CLPTM1: variants seen among roughly 807,000 people sequenced by gnomAD.
The protein encoded by CLPTM1 is putative lipid scramblase CLPTM1.
CLPTM1 carries 21 observed loss-of-function variants against 77.3 expected under a neutral mutation model. That is an observed-to-expected ratio of 0.27 (90% CI 0.19 to 0.39). CLPTM1 has a LOEUF of 0.39. Ranked by LOEUF, CLPTM1 falls within the 10% of genes least tolerant of loss-of-function variation. The pLI is 1.00. For synonymous variants in CLPTM1, 373 were observed against 381.0 expected (o/e 0.98, Z 0.24); for missense variants, 642 against 921.2 (o/e 0.70, Z 3.92).
At chr19:44,980,226 T>A (rs1015376303) in intron 5 of CLPTM1, among the ~76,000 whole-genome samples, 3 of 152,078 alleles carry the variant, frequency 2.0e-5, no homozygotes, top group African/African-American at 7.2e-5. Flanking sequence ...AGCCCCCTTT[T>A]GGCTGGTTGT....
chr19:44,977,487 C>G (rs748262295), intron 5 of CLPTM1, 27 bp downstream of exon 5: 10 of 1,540,024 alleles, frequency 6.5e-6, no homozygotes, highest in Non-Finnish European at 8.9e-6. Context: ...CAGCCAGGAC[C>G]CACTGTCCAG....
chr19:44,980,690 TG>T (rs556048517), intron 5 of CLPTM1, among the ~76,000 whole-genome samples: 398 of 151,898 alleles, frequency 2.6e-3, no homozygotes, highest in African/African-American at 9.3e-3. Flanking sequence ...CGGTGGCTCA[TG>T]CCTGTAGTCC....
chr19:44,964,126 C>T (rs999618877), intron 2 of CLPTM1, among the ~76,000 whole-genome samples: 16 of 151,822 alleles, frequency 1.1e-4, no homozygotes, highest in African/African-American at 3.4e-4. Context: ...CCAGTCTGGG[C>T]ATCAGAGTGA....
rs369031573 is a variant in CLPTM1 at position 44,992,451 on chromosome 19, C to T, written c.1723+51C>T. On this transcript the variant is annotated intron_variant, in intron 13 of 13. Coordinates refer to ENST00000337392, the MANE Select transcript of CLPTM1 (RefSeq NM_001294.4). This position sits in a 1 kb window ranked among gnomAD's most constrained non-coding sequence, Gnocchi z 7.7. The stretch of plus-strand genomic sequence containing the variant: ...CTCCCACCGGAACAGGGCCCTGAGG[C>T]AGTCTTTAGGGCCCAGGCCTGAGGG... 3.7e-6 allele frequency: 6 copies of T among 1,607,762 alleles called. No homozygotes were observed. Among genetic ancestry groups the T allele is most frequent in the Non-Finnish European group, 5.1e-6 (6 of 1,175,114 alleles).
At chr19:44,960,477 C>T (rs149262918) in intron 1 of CLPTM1, among the ~76,000 whole-genome samples, 1,938 of 152,286 alleles carry the variant, frequency 0.013, 39 homozygotes, top group African/African-American at 0.042. Context: ...CAGCCAAGAA[C>T]GGTGGGACCA....
intron 1 of CLPTM1, among the ~76,000 whole-genome samples, chr19:44,958,430 A>G (rs1377634326): frequency 6.7e-6 from 1 of 149,618 alleles, no homozygotes; most frequent in Non-Finnish European, 1.5e-5. Flanking sequence ...TCGCTTTCTC[A>G]CCACAATCTC....
At chr19:44,974,328 C>G in intron 3 of CLPTM1, 111 bp from the exon 4 acceptor site, 4 of 1,054,898 alleles carry the variant, frequency 3.8e-6, no homozygotes, top group Non-Finnish European at 5.5e-6. Context: ...CTCCCCTGTC[C>G]TCCATAATTA....
chr19:44,990,502 G>A lies in CLPTM1; in HGVS notation c.1240G>A (p.Glu414Lys), dbSNP rs757094978. The A allele has an allele frequency of 4.3e-6, 7 of 1,614,126 alleles. No homozygotes were observed. The highest frequency in any genetic ancestry group is 1.7e-5 in the Admixed American group (1 of 60,006). ...GGTCCTCCTCTACATCCTGGACAACGAGACCAACTTCGTGGTCCAGGTCAG... is the reference window on the plus strand; with the variant it reads ...GGTCCTCCTCTACATCCTGGACAACAAGACCAACTTCGTGGTCCAGGTCAG... ...FVVLLYILDN[E>K]TNFVVQVSVF... The change falls in exon 10 of 14, where the codon GAG (glutamate) becomes AAG (lysine). Residue 414 changes from glutamate to lysine, a missense_variant. Glu to Lys is a moderately conservative substitution (Grantham distance 56, BLOSUM62 1). Around this residue, in one of 2 missense-constraint regions of CLPTM1, gnomAD observed 521 missense variants for 800.4 expected, o/e 0.65. Coordinates refer to ENST00000337392, the MANE Select transcript of CLPTM1 (RefSeq NM_001294.4). This position sits in a 1 kb window ranked among gnomAD's most constrained non-coding sequence, Gnocchi z 4.8.
At chr19:44,968,604 G>T (rs1477621177) in intron 2 of CLPTM1, among the ~76,000 whole-genome samples, 1 of 150,876 alleles carries the variant, frequency 6.6e-6, no homozygotes, top group African/African-American at 2.4e-5. Flanking sequence ...CTCTGAGAGG[G>T]TCCACAGAAC....
At chr19:44,974,387 G>A in intron 3 of CLPTM1, 52 bp from the exon 4 acceptor site, 2 of 1,566,220 alleles carry the variant, frequency 1.3e-6, no homozygotes, top group Admixed American at 1.8e-5. Flanking sequence ...TAGCCAGCCT[G>A]CAGAGGCTCT....
chr19:44,987,909 G>A, intron 8 of CLPTM1, 171 bp from the exon 9 acceptor site: 1 of 641,052 alleles, frequency 1.6e-6, no homozygotes. Flanking sequence ...TTCTGTCTTT[G>A]TGAGTCACCC....
At chr19:44,961,710 C>T (rs1970545982) in intron 1 of CLPTM1, among the ~76,000 whole-genome samples, 2 of 152,214 alleles carry the variant, frequency 1.3e-5, no homozygotes, top group Admixed American at 1.3e-4. Flanking sequence ...CCCCACCGGG[C>T]TGTTAAACCC....
intron 2 of CLPTM1, among the ~76,000 whole-genome samples, chr19:44,972,170 C>T (rs1041872943): frequency 6.6e-6 from 1 of 151,816 alleles, no homozygotes; most frequent in Admixed American, 6.6e-5. Flanking sequence ...CTCTATACTT[C>T]TTAAGTTATT....
Position 44,991,191 on chromosome 19 carries a change from G to T in CLPTM1, c.1420-47G>T. Reference sequence around the variant, plus strand: ...GTGAGGGCGGGGAGCAGGGCTGCCAGGCAGGGCTGAGGAGCTGGCTGACAG... The same window carrying T: ...GTGAGGGCGGGGAGCAGGGCTGCCATGCAGGGCTGAGGAGCTGGCTGACAG... On this transcript the variant is annotated intron_variant, in intron 11 of 13. Coordinates refer to ENST00000337392, the MANE Select transcript of CLPTM1 (RefSeq NM_001294.4). The surrounding 1 kb of genome is among the most constrained non-coding windows in gnomAD (Gnocchi z 5.4). 5 of 1,609,796 alleles carry T rather than the reference G, an allele frequency of 3.1e-6. No individual in the cohort carries two copies. The highest frequency in any genetic ancestry group is 2.5e-6 in the Non-Finnish European group (3 of 1,177,338).
rs1336666935 is a variant in CLPTM1, at chr19:44,975,667, G to A, written c.468+1070G>A. The stretch of plus-strand genomic sequence containing the variant: ...GCAACTTCACCTCCCAGGTTCAAGC[G>A]ATTCTCATGTGCCAGCCTCCTGAGT... On this transcript the variant is annotated intron_variant, in intron 4 of 13. Transcript: ENST00000337392. Among the ~76,000 whole-genome samples the A allele has an allele frequency of 2.0e-5, 3 of 152,024 alleles. No homozygotes were observed. The East Asian group carries it at 5.8e-4, about 29-fold the overall frequency.
chr19:44,963,878 A>G (rs572141889), intron 2 of CLPTM1, among the ~76,000 whole-genome samples: 1 of 151,798 alleles, frequency 6.6e-6, no homozygotes, highest in Non-Finnish European at 1.5e-5. Flanking sequence ...TTGGCCTCCC[A>G]AAGTGTTGGG....
rs1335024455 is a variant in CLPTM1 at position 44,990,355 on chromosome 19, C to T, written c.1133-40C>T. ...GGGAGCTGCAGTAGGGTCTCAGCACCTCCTCAGCCTCCTGGTTCCCCCCTA... is the reference window on the plus strand; with the variant it reads ...GGGAGCTGCAGTAGGGTCTCAGCACTTCCTCAGCCTCCTGGTTCCCCCCTA... On this transcript the variant is annotated intron_variant, in intron 9 of 13. Transcript: ENST00000337392. This position sits in a 1 kb window ranked among gnomAD's most constrained non-coding sequence, Gnocchi z 4.8. 1.2e-6 allele frequency: 2 copies of T among 1,600,324 alleles called. No individual in the cohort carries two copies. The highest frequency in any genetic ancestry group is 1.7e-6 in the Non-Finnish European group (2 of 1,170,486).
chr19:44,976,345 C>T lies in CLPTM1; in HGVS notation c.469-998C>T, dbSNP rs116734474. On this transcript the variant is annotated intron_variant, in intron 4 of 13. Coordinates refer to ENST00000337392, the MANE Select transcript of CLPTM1 (RefSeq NM_001294.4). ...GGACTTAAAAGGCAGGAGAGCTGGG[C>T]ACAGTGGCATGTGCCTGTAGGCACA... Among the ~76,000 whole-genome samples the T allele has an allele frequency of 5.0e-3, 769 of 152,318 alleles. 7 individuals are homozygous for T. The highest frequency in any genetic ancestry group is 0.017 in the African/African-American group (716 of 41,572).
intron 6 of CLPTM1, 112 bp downstream of exon 6, chr19:44,985,415 C>CAGT: frequency 1.4e-6 from 1 of 721,524 alleles, no homozygotes; most frequent in Non-Finnish European, 2.4e-6. Flanking sequence ...CATGCCGGCT[C>CAGT]GGTCATGCCA....
Sources: allele counts gnomAD v4.1 joint callset (sites outside exome capture counted in the v4.1 genomes callset), GRCh38; gene constraint gnomAD v4.1.1; regional missense constraint gnomAD v4.1.1; non-coding constraint Gnocchi (gnomAD v3.1); transcripts MANE v1.5; gene names NCBI Gene and HGNC (gene_info 2026-07-23, HGNC 2026-07-21).